The following NPTN variants were observed in gnomAD, a reference collection of about 807,000 sequenced individuals.
The protein encoded by NPTN is SDR-1.
Under a neutral mutation model 42.7 loss-of-function variants are expected in NPTN, and 5 were observed. That is an observed-to-expected ratio of 0.12 (90% CI 0.06 to 0.25). NPTN has a LOEUF of 0.25. NPTN is among the 10% of genes least tolerant of loss of function. The pLI, the probability that NPTN is intolerant of heterozygous loss-of-function variation, is 1.00. For synonymous variants in NPTN, 180 were observed against 201.9 expected, an observed-to-expected ratio of 0.89 and a Z score of 0.92; for missense variants, 307 against 525.4, an observed-to-expected ratio of 0.58 and a Z score of 4.06.
intron 2 of NPTN, among the ~76,000 whole-genome samples, chr15:73,594,423 T>G (rs1412814461): frequency 6.6e-6 from 1 of 152,204 alleles, no homozygotes; most frequent in Non-Finnish European, 1.5e-5. Flanking sequence ...CCTTAAGTGT[T>G]AAAGATCCAG....
intron 1 of NPTN, among the ~76,000 whole-genome samples, chr15:73,615,811 C>T (rs2141459700): frequency 6.6e-6 from 1 of 152,242 alleles, no homozygotes; most frequent in South Asian, 2.1e-4. Context: ...TTCTTACTGA[C>T]AGATCTCCAA....
chr15:73,615,297 T>G (rs1897810487), intron 1 of NPTN, among the ~76,000 whole-genome samples: 1 of 152,162 alleles, frequency 6.6e-6, no homozygotes, highest in Admixed American at 6.5e-5. Flanking sequence ...AACTAATGTC[T>G]CTGAAAGGAA....
intron 1 of NPTN, among the ~76,000 whole-genome samples, chr15:73,619,039 A>C (rs925688629): frequency 4.6e-5 from 7 of 150,914 alleles, no homozygotes; most frequent in African/African-American, 1.7e-4. Flanking sequence ...AGCCTGGGCA[A>C]ACACAGCAGC....
intron 4 of NPTN, among the ~76,000 whole-genome samples, chr15:73,580,632 TA>T (rs1183756789): frequency 4.1e-5 from 6 of 147,152 alleles, no homozygotes; most frequent in African/African-American, 1.5e-4. Context: ...TGTATATATG[TA>T]TATACATGTT....
chr15:73,581,996 G>A (rs1896071195), intron 4 of NPTN, among the ~76,000 whole-genome samples: 1 of 152,058 alleles, frequency 6.6e-6, no homozygotes, highest in Non-Finnish European at 1.5e-5. Context: ...CGCCACACTC[G>A]GCTAATTTTT....
chr15:73,573,909 T>A, intron 4 of NPTN, 114 bp from the exon 5 acceptor site: 2 of 1,319,174 alleles, frequency 1.5e-6, no homozygotes, highest in Non-Finnish European at 2.1e-6. Flanking sequence ...TTATGCTTAC[T>A]GTCATACTCA....
At chr15:73,602,988 A>T (rs759696419) in intron 1 of NPTN, among the ~76,000 whole-genome samples, 2 of 152,238 alleles carry the variant, frequency 1.3e-5, no homozygotes, top group Non-Finnish European at 2.9e-5. Context: ...TTGGAAAAAT[A>T]GGGGAATCTA....
At position 73,622,240 on chromosome 15, in the gene NPTN, A is replaced by G. The variant is rs1052904438; in HGVS notation, c.91+10885T>C. ...GTTAACATCCACTTTCTGACTCTCT[A>G]AATCAGGTGGTTACAATTCAGCAAG... On this transcript the variant is annotated intron_variant, in intron 1 of 8. Coordinates refer to ENST00000345330, the MANE Select transcript of NPTN (RefSeq NM_012428.4). Among the ~76,000 whole-genome samples the G allele has an allele frequency of 2.4e-4, 37 of 152,132 alleles. 1 individual carries two copies. Among genetic ancestry groups the G allele is most frequent in the Non-Finnish European group, 4.4e-4 (30 of 68,020 alleles).
intron 1 of NPTN, among the ~76,000 whole-genome samples, chr15:73,605,111 GAA>G (rs386785324): frequency 0.02 from 2,765 of 140,320 alleles, 69 homozygotes; most frequent in African/African-American, 0.031. Flanking sequence ...GGGGGGGGGG[GAA>G]AAGAATGATC....
intron 1 of NPTN, among the ~76,000 whole-genome samples, chr15:73,607,339 G>GT (rs1445608778): frequency 2.0e-5 from 3 of 152,104 alleles, no homozygotes; most frequent in South Asian, 4.1e-4. Context: ...TAAATTCAGC[G>GT]TAACTTCTGA....
At chr15:73,574,459 C>T (rs573338784) in intron 4 of NPTN, among the ~76,000 whole-genome samples, 3 of 152,166 alleles carry the variant, frequency 2.0e-5, no homozygotes, top group South Asian at 4.2e-4. Context: ...CTTATTCTAT[C>T]GTCCAGGCTG....
intron 4 of NPTN, among the ~76,000 whole-genome samples, chr15:73,580,442 A>ATATATATATAATATATAT (rs1895950359): frequency 2.2e-5 from 1 of 45,312 alleles, no homozygotes; most frequent in African/African-American, 6.2e-5. Flanking sequence ...AATATATATA[A>ATATATATATAATATATAT]TATATATGTA....
chr15:73,565,145 A>C (rs1224133682), intron 6 of NPTN, among the ~76,000 whole-genome samples: 1 of 152,224 alleles, frequency 6.6e-6, no homozygotes, highest in Non-Finnish European at 1.5e-5. Context: ...CCATGCCTGC[A>C]AGTGGGAGCA....
intron 1 of NPTN, among the ~76,000 whole-genome samples, chr15:73,622,106 G>A (rs986360357): frequency 2.6e-5 from 4 of 152,144 alleles, no homozygotes; most frequent in Middle Eastern, 3.4e-3. Flanking sequence ...AGCTGAGATC[G>A]CGCCACTACA....
At chr15:73,623,232 AAG>A (rs1898221319) in intron 1 of NPTN, among the ~76,000 whole-genome samples, 1 of 152,228 alleles carries the variant, frequency 6.6e-6, no homozygotes, top group Non-Finnish European at 1.5e-5. Flanking sequence ...TGATAACAAA[AAG>A]AAGTTGCTTC....
chr15:73,583,438 T>C (rs1183587981), intron 4 of NPTN, among the ~76,000 whole-genome samples: 1 of 152,098 alleles, frequency 6.6e-6, no homozygotes, highest in African/African-American at 2.4e-5. Context: ...AAAGTAGAGA[T>C]AATAATTGCA....
rs1160035189 is a variant in NPTN, at chr15:73,633,352, T to A, written c.-137A>T. ...GGCAGCCGCGGCTCGGCTCCGTCCTTCCCCGTCCTCCTCCTGCCGCCGCAG... is the reference window on the plus strand; with the variant it reads ...GGCAGCCGCGGCTCGGCTCCGTCCTACCCCGTCCTCCTCCTGCCGCCGCAG... On this transcript the variant is annotated 5_prime_UTR_variant, in exon 1 of 9. Coordinates refer to ENST00000345330, the MANE Select transcript of NPTN (RefSeq NM_012428.4). 3 of 569,058 alleles carry A rather than the reference T, an allele frequency of 5.3e-6. No individual in the cohort carries two copies. Among genetic ancestry groups the A allele is most frequent in the Non-Finnish European group, 8.4e-6 (3 of 355,378 alleles). 35.3% of individuals were successfully genotyped at this position (569,058 alleles called of 1,614,324 possible).
intron 4 of NPTN, among the ~76,000 whole-genome samples, chr15:73,579,700 C>A (rs1444734324): frequency 6.6e-6 from 1 of 152,082 alleles, no homozygotes; most frequent in African/African-American, 2.4e-5. Context: ...TTATTTGACA[C>A]TCTGGGAAAG....
At chr15:73,632,166 A>G (rs1290147963) in intron 1 of NPTN, among the ~76,000 whole-genome samples, 1 of 149,350 alleles carries the variant, frequency 6.7e-6, no homozygotes, top group East Asian at 2.0e-4. Flanking sequence ...CCACATCCCA[A>G]CTCCTCCCTT....
Sources: allele counts gnomAD v4.1 joint callset (sites outside exome capture counted in the v4.1 genomes callset), GRCh38; gene constraint gnomAD v4.1.1; transcripts MANE v1.5; gene names NCBI Gene and HGNC (gene_info 2026-07-23, HGNC 2026-07-21).